Variants in TSNARE1 observed in about 807,000 individuals in gnomAD.
The protein encoded by TSNARE1 is t-SNARE domain containing 1, also known as t-SNARE domain-containing protein 1.
A neutral mutation model predicts 62.0 loss-of-function variants in TSNARE1; 49 were observed. That is an observed-to-expected ratio of 0.79 (90% CI 0.63 to 1.00). The LOEUF (loss-of-function observed/expected upper bound fraction) is 1.00. TSNARE1 is among the 50% of genes least tolerant of loss of function. The pLI is 0.00. For missense variants in TSNARE1, 755 were observed against 700.1 expected (o/e 1.08, Z -0.88); for synonymous variants, 328 against 294.4 (o/e 1.11, Z -1.17).
chr8:142,288,481 G>A (rs566826706), intron 10 of TSNARE1, among the ~76,000 whole-genome samples: 3 of 152,348 alleles, frequency 2.0e-5, no homozygotes, highest in Non-Finnish European at 1.5e-5. Flanking sequence ...CCATCTCATC[G>A]CCGACACTCA....
intron 9 of TSNARE1, among the ~76,000 whole-genome samples, chr8:142,309,702 G>T (rs1384170776): frequency 2.0e-5 from 3 of 152,148 alleles, no homozygotes; most frequent in African/African-American, 7.2e-5. Context: ...AGACAGGCAT[G>T]TTATTTTCCT....
At chr8:142,238,074 C>G (rs1817520275) in intron 12 of TSNARE1, among the ~76,000 whole-genome samples, 1 of 152,148 alleles carries the variant, frequency 6.6e-6, no homozygotes, top group South Asian at 2.1e-4. Flanking sequence ...TCACCTAATG[C>G]TGTGACTGTC....
intron 1 of TSNARE1, among the ~76,000 whole-genome samples, chr8:142,399,978 T>A (rs545075244): frequency 6.6e-6 from 1 of 151,476 alleles, no homozygotes; most frequent in Non-Finnish European, 1.5e-5. Context: ...GAGGATGGCT[T>A]AAGGCCAGGA....
At chr8:142,230,243 G>C (rs1029952544) in intron 12 of TSNARE1, among the ~76,000 whole-genome samples, 1 of 152,198 alleles carries the variant, frequency 6.6e-6, no homozygotes, top group African/African-American at 2.4e-5. Context: ...ACCAGGGGGT[G>C]AGAGGCAAGG....
intron 10 of TSNARE1, among the ~76,000 whole-genome samples, chr8:142,294,297 C>A (rs1186897976): frequency 6.6e-6 from 1 of 152,136 alleles, no homozygotes; most frequent in Non-Finnish European, 1.5e-5. Flanking sequence ...ACCTCGCTAA[C>A]ACCTGGGGAA....
At chr8:142,251,556 C>T (rs1166832149) in intron 12 of TSNARE1, among the ~76,000 whole-genome samples, 1 of 152,166 alleles carries the variant, frequency 6.6e-6, no homozygotes, top group East Asian at 1.9e-4. Context: ...CTCTGGCACC[C>T]TCTGTATTCT....
At chr8:142,327,516 T>C (rs1327226261) in intron 6 of TSNARE1, among the ~76,000 whole-genome samples, 2 of 152,178 alleles carry the variant, frequency 1.3e-5, no homozygotes, top group Non-Finnish European at 2.9e-5. Flanking sequence ...TGTCCCTACA[T>C]ATGGAGGGTA....
At chr8:142,259,156 C>T (rs1818737405) in intron 12 of TSNARE1, among the ~76,000 whole-genome samples, 1 of 152,374 alleles carries the variant, frequency 6.6e-6, no homozygotes, top group African/African-American at 2.4e-5. Flanking sequence ...GGAGGATGGG[C>T]ACGTTGTCTG....
At chr8:142,285,766 G>A (rs1349100404) in intron 10 of TSNARE1, among the ~76,000 whole-genome samples, 2 of 152,176 alleles carry the variant, frequency 1.3e-5, no homozygotes, top group Non-Finnish European at 2.9e-5. Flanking sequence ...CCGGCATACT[G>A]TGCTGGCCTC....
chr8:142,347,147 C>T (rs1049897181), intron 2 of TSNARE1, among the ~76,000 whole-genome samples: 4 of 152,246 alleles, frequency 2.6e-5, no homozygotes, highest in Admixed American at 1.3e-4. Flanking sequence ...TGCAGAAGGA[C>T]GGGAGGGCAG....
intron 1 of TSNARE1, among the ~76,000 whole-genome samples, chr8:142,355,607 C>T (rs1486055969): frequency 6.6e-6 from 1 of 152,176 alleles, no homozygotes; most frequent in Admixed American, 6.5e-5. Flanking sequence ...CCAGAGCGTC[C>T]TCCCTGTGTG....
At chr8:142,234,052 G>A (rs985076831) in intron 12 of TSNARE1, among the ~76,000 whole-genome samples, 3 of 152,236 alleles carry the variant, frequency 2.0e-5, no homozygotes, top group African/African-American at 7.2e-5. Context: ...TAACCAAGAA[G>A]AGAGAGGAGA....
chr8:142,257,871 T>C (rs1363372815), intron 12 of TSNARE1, among the ~76,000 whole-genome samples: 1 of 152,076 alleles, frequency 6.6e-6, no homozygotes, highest in Admixed American at 6.5e-5. Flanking sequence ...AGTGAGGCAC[T>C]CTCACCTTGG....
chr8:142,275,384 G>T, intron 11 of TSNARE1: 3 of 985,432 alleles, frequency 3.0e-6, no homozygotes, highest in Non-Finnish European at 3.6e-6. Flanking sequence ...TTGTGCTGCC[G>T]TGCGGGGATC....
intron 6 of TSNARE1, among the ~76,000 whole-genome samples, 168 bp downstream of exon 6, chr8:142,330,733 G>A (rs1345369038): frequency 1.3e-5 from 2 of 152,104 alleles, no homozygotes; most frequent in Non-Finnish European, 2.9e-5. Flanking sequence ...GCACTGACTA[G>A]GCTTATCCGC....
chr8:142,350,929 G>A (rs943838055), intron 2 of TSNARE1, among the ~76,000 whole-genome samples: 13 of 152,216 alleles, frequency 8.5e-5, no homozygotes, highest in Non-Finnish European at 1.3e-4. Flanking sequence ...CACGTTAAAC[G>A]GCATCTCTGA....
At position 142,241,329 on chromosome 8, in the gene TSNARE1, A is replaced by G. The variant is rs368020208; in HGVS notation, c.1447-11750T>C. ...GAAGGGGTGAAAGATATATACAATG[A>G]AAATTACAAAACCTTAATGAAGAAA... is the stretch of plus-strand genomic sequence containing the variant. On this transcript the variant is annotated intron_variant, in intron 12 of 13. Transcript: ENST00000524325. Among the ~76,000 whole-genome samples the G allele has an allele frequency of 3.9e-5, 6 of 152,364 alleles. No individual in the cohort carries two copies. In the South Asian group the frequency reaches 1.0e-3, roughly 26 times the overall value.
rs75691137 is a variant in TSNARE1 at position 142,399,928 on chromosome 8, C to T, written c.-40+3176G>A. 1.0e-2 allele frequency among the ~76,000 whole-genome samples: 1,521 copies of T among 152,284 alleles called. 13 individuals are homozygous for T. The highest frequency in any genetic ancestry group is 0.021 in the East Asian group (107 of 5,182). On this transcript the variant is annotated intron_variant, in intron 1 of 13. Coordinates refer to ENST00000524325, the MANE Select transcript of TSNARE1 (RefSeq NM_145003.5). ...AAAAGCCTGGAGCCAGACGCCATGA[C>T]TCACGCTGGGAATCCCAGCACTCCG...
chr8:142,222,571 CTCAGCCACTCATTCACTCACTCAT>C (rs1816398200), intron 13 of TSNARE1, among the ~76,000 whole-genome samples: 1 of 121,124 alleles, frequency 8.3e-6, no homozygotes, highest in African/African-American at 3.3e-5. Context: ...CATTCACTCA[CTCAGCCACTCATTCACTCACTCAT>C]TCATCCACTC....
Sources: gnomAD v4.1 joint callset for allele counts (sites outside exome capture counted in the v4.1 genomes callset) on GRCh38, gnomAD v4.1.1 for gene constraint, MANE v1.5 for transcripts, NCBI Gene and HGNC (gene_info 2026-07-23, HGNC 2026-07-21) for gene names.